The following SPIRE1 variants were observed in gnomAD, a reference collection of about 807,000 sequenced individuals.
SPIRE1 encodes the protein protein spire homolog 1.
In SPIRE1, 40 loss-of-function variants were observed where a neutral mutation model predicts 94.1. The observed-to-expected ratio is 0.43, with a 90% CI of 0.33 to 0.55. The LOEUF (loss-of-function observed/expected upper bound fraction) is 0.55, where lower values mean the gene tolerates loss of function less well. Among genes scored for constraint, SPIRE1 ranks in the 20% least tolerant of loss-of-function variants. The pLI is 0.06. For synonymous variants in SPIRE1, 376 were observed against 371.7 expected, an observed-to-expected ratio of 1.01 and a Z score of -0.13; for missense variants, 838 against 975.2, an observed-to-expected ratio of 0.86 and a Z score of 1.87.
chr18:12,584,289 G>T (rs968091864), intron 2 of SPIRE1, among the ~76,000 whole-genome samples: 1 of 151,992 alleles, frequency 6.6e-6, no homozygotes, highest in African/African-American at 2.4e-5. Flanking sequence ...AATTAGCCGG[G>T]CATGGTGGTG....
At chr18:12,615,305 CA>C (rs1218107687) in intron 2 of SPIRE1, among the ~76,000 whole-genome samples, 1 of 70,958 alleles carries the variant, frequency 1.4e-5, no homozygotes, top group Non-Finnish European at 2.6e-5. Flanking sequence ...CCAGCTTGGG[CA>C]ACAAGAGTGA....
At chr18:12,526,622 C>T (rs982075385) in intron 4 of SPIRE1, among the ~76,000 whole-genome samples, 3 of 152,132 alleles carry the variant, frequency 2.0e-5, no homozygotes, top group African/African-American at 7.2e-5. Flanking sequence ...AAAGTCAGAA[C>T]AGCATTTAGC....
chr18:12,600,024 C>A (rs143928896), intron 2 of SPIRE1, among the ~76,000 whole-genome samples: 1 of 149,232 alleles, frequency 6.7e-6, no homozygotes, highest in African/African-American at 2.5e-5. Context: ...CAAGTGGCCA[C>A]GTTGGGAACC....
In SPIRE1 at chr18:12,496,274, CTG is replaced by C. The variant is rs538662211; in HGVS notation, c.973-174_973-173del. ...ATGGCTGAGTGATTCAGAGGAAAGA[CTG>C]TGAAATTGAAGAAAATCCAAGTTTA... On this transcript the variant is annotated intron_variant, in intron 6 of 16. Coordinates refer to ENST00000409402, the MANE Select transcript of SPIRE1 (RefSeq NM_001128626.2). Among the ~76,000 whole-genome samples the C allele has an allele frequency of 1.6e-4, 24 of 152,272 alleles. No homozygotes were observed. In the South Asian group the frequency reaches 4.8e-3, roughly 30 times the overall value.
intron 5 of SPIRE1, among the ~76,000 whole-genome samples, chr18:12,507,453 C>A (rs1034953972): frequency 7.2e-5 from 11 of 152,142 alleles, no homozygotes; most frequent in African/African-American, 2.7e-4. Context: ...AATCCCAGCA[C>A]TTTTGGAGGC....
chr18:12,655,620 A>G (rs982026499), intron 1 of SPIRE1, among the ~76,000 whole-genome samples: 10 of 152,194 alleles, frequency 6.6e-5, no homozygotes, highest in African/African-American at 9.6e-5. Context: ...AAGGCAGTTT[A>G]TTACACTGAG....
intron 2 of SPIRE1, among the ~76,000 whole-genome samples, chr18:12,613,243 T>C (rs1385801903): frequency 6.6e-6 from 1 of 152,190 alleles, no homozygotes; most frequent in Non-Finnish European, 1.5e-5. Context: ...TCTACTTTCT[T>C]CATTAGCAGG....
intron 2 of SPIRE1, among the ~76,000 whole-genome samples, chr18:12,629,985 T>C (rs1049107080): frequency 6.6e-6 from 1 of 152,170 alleles, no homozygotes; most frequent in Non-Finnish European, 1.5e-5. Flanking sequence ...AGGTAAAAGA[T>C]CACATAAAAG....
chr18:12,572,538 G>A (rs1158992133), intron 2 of SPIRE1, among the ~76,000 whole-genome samples: 1 of 151,998 alleles, frequency 6.6e-6, no homozygotes, highest in Admixed American at 6.6e-5. Context: ...CTTGAGCCCA[G>A]AAAAAAACTG....
At chr18:12,595,541 A>C (rs568100261) in intron 2 of SPIRE1, among the ~76,000 whole-genome samples, 2 of 152,234 alleles carry the variant, frequency 1.3e-5, no homozygotes, top group South Asian at 4.1e-4. Flanking sequence ...GTGCTATTAA[A>C]AGAAAACTAT....
chr18:12,512,407 C>A (rs2144035369), intron 5 of SPIRE1, 47 bp downstream of exon 5: 10 of 1,314,700 alleles, frequency 7.6e-6, no homozygotes, highest in South Asian at 1.3e-5. Context: ...AAAAATTATA[C>A]TATTTCTTAG....
At chr18:12,659,233 GCT>G (rs1432179741), upstream of SPIRE1, among the ~76,000 whole-genome samples, 1 of 151,374 alleles carries the variant, frequency 6.6e-6, no homozygotes, top group African/African-American at 2.4e-5. Flanking sequence ...TAGAAATCAC[GCT>G]CTCAACAATT....
At chr18:12,582,326 A>T (rs1383488221) in intron 2 of SPIRE1, among the ~76,000 whole-genome samples, 2 of 152,208 alleles carry the variant, frequency 1.3e-5, no homozygotes, top group Non-Finnish European at 2.9e-5. Flanking sequence ...GAAAAAAAGT[A>T]GAAATTATTA....
intron 10 of SPIRE1, among the ~76,000 whole-genome samples, chr18:12,470,924 G>A (rs934854545): frequency 6.6e-6 from 1 of 151,794 alleles, no homozygotes; most frequent in Non-Finnish European, 1.5e-5. Flanking sequence ...AGGGCTCACT[G>A]GTGCCGAATA....
intron 2 of SPIRE1, among the ~76,000 whole-genome samples, chr18:12,548,527 A>T (rs949083785): frequency 6.6e-6 from 1 of 152,148 alleles, no homozygotes; most frequent in Non-Finnish European, 1.5e-5. Context: ...ACTGTTTTAA[A>T]ATATTTTTTA....
intron 5 of SPIRE1, among the ~76,000 whole-genome samples, chr18:12,508,393 T>C (rs764899138): frequency 6.6e-6 from 1 of 152,164 alleles, no homozygotes; most frequent in African/African-American, 2.4e-5. Context: ...GAGGTACTTA[T>C]GGTGTACCAT....
chr18:12,558,663 T>G (rs930703767), intron 2 of SPIRE1, among the ~76,000 whole-genome samples: 5 of 152,206 alleles, frequency 3.3e-5, no homozygotes, highest in Non-Finnish European at 7.3e-5. Context: ...GAGTGCTGAC[T>G]GGTGCATTTA....
intron 2 of SPIRE1, among the ~76,000 whole-genome samples, chr18:12,626,886 A>ATATATATATTT (rs55915333): frequency 1.3e-4 from 15 of 111,898 alleles, no homozygotes; most frequent in South Asian, 6.9e-4. Context: ...ATATATATAT[A>ATATATATATTT]TTTTTTTTTT....
At chr18:12,591,968 C>CAAAAAAA (rs35668057) in intron 2 of SPIRE1, among the ~76,000 whole-genome samples, 19 of 67,410 alleles carry the variant, frequency 2.8e-4, no homozygotes, top group South Asian at 6.5e-4. Context: ...GACTCCATCT[C>CAAAAAAA]AAAAAAAAAA....
Sources: gnomAD v4.1 joint callset for allele counts (sites outside exome capture counted in the v4.1 genomes callset) on GRCh38, gnomAD v4.1.1 for gene constraint, MANE v1.5 for transcripts, NCBI Gene and HGNC (gene_info 2026-07-23, HGNC 2026-07-21) for gene names.